The following STK39 variants were observed in gnomAD, a reference collection of about 807,000 sequenced individuals.
STK39 encodes the protein STE20/SPS1-related proline-alanine-rich protein kinase.
A neutral mutation model predicts 77.8 loss-of-function variants in STK39; 20 were observed. That is an observed-to-expected ratio of 0.26 (90% CI 0.18 to 0.37). The LOEUF (loss-of-function observed/expected upper bound fraction) is 0.37, where lower values mean the gene tolerates loss of function less well. Ranked by LOEUF, STK39 falls within the 10% of genes least tolerant of loss-of-function variation. The probability of loss-of-function intolerance (pLI) is 1.00; values close to 1 mark genes in which losing one functional copy is unlikely to be tolerated. For missense variants in STK39, 479 were observed against 656.5 expected (o/e 0.73, Z 2.95); for synonymous variants, 246 against 234.1 (o/e 1.05, Z -0.47).
intron 14 of STK39, among the ~76,000 whole-genome samples, chr2:168,021,004 T>A (rs190550647): frequency 0.02 from 3,054 of 152,258 alleles, 101 homozygotes; most frequent in African/African-American, 0.069. Context: ...ACTAAAGTAG[T>A]CCAATAACAA....
At chr2:168,127,619 A>G (rs1687578194) in intron 10 of STK39, among the ~76,000 whole-genome samples, 1 of 152,216 alleles carries the variant, frequency 6.6e-6, no homozygotes, top group Non-Finnish European at 1.5e-5. Flanking sequence ...AGTGCCATAA[A>G]TTCGAGGCTA....
chr2:168,191,937 T>G (rs965672556), intron 1 of STK39, among the ~76,000 whole-genome samples: 1 of 152,066 alleles, frequency 6.6e-6, no homozygotes, highest in Admixed American at 6.5e-5. Flanking sequence ...GTTATTAGAC[T>G]CTACACATTT....
At chr2:168,214,761 A>G (rs1353938806) in intron 1 of STK39, among the ~76,000 whole-genome samples, 1 of 152,256 alleles carries the variant, frequency 6.6e-6, no homozygotes, top group Non-Finnish European at 1.5e-5. Flanking sequence ...AGGATAAAAG[A>G]AAGTCAAGAA....
intron 1 of STK39, among the ~76,000 whole-genome samples, chr2:168,215,705 C>A (rs74752139): frequency 2.6e-5 from 4 of 151,692 alleles, no homozygotes; most frequent in African/African-American, 9.7e-5. Context: ...ACAAATCTGA[C>A]GTGTAAAGGA....
intron 10 of STK39, among the ~76,000 whole-genome samples, chr2:168,124,180 T>C (rs1687481612): frequency 6.6e-6 from 1 of 152,224 alleles, no homozygotes; most frequent in African/African-American, 2.4e-5. Flanking sequence ...GTTAATTGCT[T>C]ACTTAATTTC....
At chr2:167,965,115 T>A (rs1409831015) in intron 16 of STK39, among the ~76,000 whole-genome samples, 3 of 137,050 alleles carry the variant, frequency 2.2e-5, no homozygotes, top group Non-Finnish European at 3.1e-5. Flanking sequence ...AGAGGAGAGG[T>A]AGTGGGGAGA....
chr2:168,170,699 C>T (rs1211635313), intron 2 of STK39, among the ~76,000 whole-genome samples: 1 of 152,132 alleles, frequency 6.6e-6, no homozygotes, highest in East Asian at 1.9e-4. Context: ...AGAGGAGGGA[C>T]ACAGACGACT....
chr2:168,188,237 G>A (rs1036619815), intron 1 of STK39, among the ~76,000 whole-genome samples: 1 of 152,158 alleles, frequency 6.6e-6, no homozygotes, highest in South Asian at 2.1e-4. Flanking sequence ...AGTCACATGA[G>A]GACCAGAAGC....
chr2:167,961,621 G>A (rs114157063), intron 17 of STK39, among the ~76,000 whole-genome samples: 1 of 152,130 alleles, frequency 6.6e-6, no homozygotes, highest in Non-Finnish European at 1.5e-5. Context: ...CATAATAGTT[G>A]AGCTGAAATG....
intron 1 of STK39, among the ~76,000 whole-genome samples, chr2:168,245,112 C>A (rs1307525054): frequency 3.3e-5 from 5 of 152,206 alleles, no homozygotes; most frequent in African/African-American, 1.2e-4. Flanking sequence ...GTGGCAGATA[C>A]CATTATTCAA....
intron 1 of STK39, among the ~76,000 whole-genome samples, chr2:168,222,988 T>C (rs1349920419): frequency 6.6e-6 from 1 of 152,212 alleles, no homozygotes; most frequent in African/African-American, 2.4e-5. Flanking sequence ...CATTGTCATT[T>C]ACTATGTATT....
chr2:168,117,766 G>C (rs977922221), intron 10 of STK39, among the ~76,000 whole-genome samples: 4 of 152,086 alleles, frequency 2.6e-5, no homozygotes, highest in African/African-American at 4.8e-5. Flanking sequence ...GAGGTGGCCC[G>C]TGGCTGAGAG....
chr2:168,171,859 C>G (rs13393270), intron 2 of STK39, among the ~76,000 whole-genome samples: 12,366 of 113,406 alleles, frequency 0.11, 1,131 homozygotes, highest in East Asian at 0.39. Flanking sequence ...CCCCACTCCC[C>G]CCTCCCCCCC....
intron 15 of STK39, among the ~76,000 whole-genome samples, chr2:168,016,569 C>A (rs1013760152): frequency 6.6e-6 from 1 of 152,128 alleles, no homozygotes; most frequent in Non-Finnish European, 1.5e-5. Context: ...GACCAGCTAT[C>A]AAGCTAGAAA....
At chr2:168,161,685 A>G (rs1688576754) in intron 5 of STK39, 102 bp downstream of exon 5, 1 of 765,304 alleles carries the variant, frequency 1.3e-6, no homozygotes, top group Non-Finnish European at 2.1e-6. Flanking sequence ...TTCTGAAAAG[A>G]GATTACATGC....
Position 168,138,194 on chromosome 2 carries a change from G to C in STK39, c.868C>G (p.Pro290Ala), listed in dbSNP as rs1414143514. Residue 290 changes from proline (P) to alanine (A), a missense_variant, in exon 8 of 18, where the codon CCA becomes GCA. Physicochemically the swap from Pro to Ala is conservative, Grantham distance 27 (BLOSUM62 -1). This residue lies in a region of STK39 where 139 missense variants were observed against 280.6 expected (regional missense o/e 0.50). Transcript: ENST00000355999. ...KVLMLTLQND[P>A]PTLETGVEDK... ...TCTACCCCTGTTTCCAAAGTGGGTGGATCATTTTGCAAAGTCAACATTAAC... is the reference window on the plus strand; with the variant it reads ...TCTACCCCTGTTTCCAAAGTGGGTGCATCATTTTGCAAAGTCAACATTAAC... 6.2e-7 allele frequency: 1 copy of C among 1,613,176 alleles called. No homozygotes were observed. Among genetic ancestry groups the C allele is most frequent in the South Asian group, 1.1e-5 (1 of 90,964 alleles).
chr2:168,206,296 T>G (rs1689740553), intron 1 of STK39, among the ~76,000 whole-genome samples: 1 of 150,982 alleles, frequency 6.6e-6, no homozygotes, highest in Non-Finnish European at 1.5e-5. Context: ...TCTTTTTCTT[T>G]TCTTTCTTTT....
chr2:168,170,390 C>A (rs1688794117), intron 2 of STK39, among the ~76,000 whole-genome samples: 1 of 152,148 alleles, frequency 6.6e-6, no homozygotes, highest in African/African-American at 2.4e-5. Context: ...AATGTTTTAG[C>A]TGATTCTTTC....
At chr2:168,115,161 C>T (rs1687226275) in intron 10 of STK39, among the ~76,000 whole-genome samples, 1 of 152,100 alleles carries the variant, frequency 6.6e-6, no homozygotes, top group South Asian at 2.1e-4. Context: ...ATTCTCTCTA[C>T]AAAACAGCTA....
Sources: allele counts gnomAD v4.1 joint callset (sites outside exome capture counted in the v4.1 genomes callset), GRCh38; gene constraint gnomAD v4.1.1; regional missense constraint gnomAD v4.1.1; transcripts MANE v1.5; gene names NCBI Gene and HGNC (gene_info 2026-07-23, HGNC 2026-07-21).